The following DNM3 variants were observed in gnomAD, a reference collection of about 807,000 sequenced individuals.
The protein encoded by DNM3 is dynamin-3.
A neutral mutation model predicts 101.6 loss-of-function variants in DNM3; 47 were observed. The observed-to-expected ratio is 0.46, with a 90% CI of 0.37 to 0.59. The LOEUF (loss-of-function observed/expected upper bound fraction) is 0.59, where lower values mean the gene tolerates loss of function less well. DNM3 is among the 20% of genes least tolerant of loss of function. The pLI is 0.00. For synonymous variants in DNM3, 385 were observed against 387.9 expected, an observed-to-expected ratio of 0.99 and a Z score of 0.09; for missense variants, 849 against 1,085.7, an observed-to-expected ratio of 0.78 and a Z score of 3.06.
chr1:171,963,049 C>T (rs1175083039), intron 2 of DNM3, among the ~76,000 whole-genome samples: 2 of 151,968 alleles, frequency 1.3e-5, no homozygotes, highest in Admixed American at 6.6e-5. Flanking sequence ...TACTCAAGTG[C>T]GATGAAAATT....
At chr1:172,186,159 G>A (rs1305992926) in intron 14 of DNM3, among the ~76,000 whole-genome samples, 1 of 152,078 alleles carries the variant, frequency 6.6e-6, no homozygotes, top group Non-Finnish European at 1.5e-5. Flanking sequence ...CATCTTTTGG[G>A]TGCTTAGGGA....
At chr1:172,274,881 G>C (rs1002026347) in intron 15 of DNM3, among the ~76,000 whole-genome samples, 2 of 151,998 alleles carry the variant, frequency 1.3e-5, no homozygotes, top group African/African-American at 4.8e-5. Flanking sequence ...CTAGTCCACT[G>C]ATCAGGGCTT....
chr1:172,357,218 A>G (rs1392963130), intron 17 of DNM3, among the ~76,000 whole-genome samples: 1 of 152,108 alleles, frequency 6.6e-6, no homozygotes, highest in Non-Finnish European at 1.5e-5. Context: ...TGTTAAAATG[A>G]GTAGGTAAAA....
intron 13 of DNM3, among the ~76,000 whole-genome samples, chr1:172,110,144 CT>C (rs1269073183): frequency 6.6e-6 from 1 of 152,198 alleles, no homozygotes; most frequent in Non-Finnish European, 1.5e-5. Context: ...TCTCTTGCCC[CT>C]GACACTCCTG....
chr1:172,284,294 A>G (rs2063611595), intron 15 of DNM3, among the ~76,000 whole-genome samples: 3 of 152,208 alleles, frequency 2.0e-5, no homozygotes, highest in African/African-American at 7.2e-5. Flanking sequence ...TGTTAAAATG[A>G]TGAAACTTAC....
chr1:172,134,326 G>GTT (rs1432970322), intron 14 of DNM3, among the ~76,000 whole-genome samples: 6 of 152,102 alleles, frequency 3.9e-5, no homozygotes, highest in African/African-American at 1.4e-4. Context: ...ATTTAAGCAG[G>GTT]TATAATGACT....
At chr1:172,373,054 A>G (rs887573513) in intron 17 of DNM3, among the ~76,000 whole-genome samples, 5 of 152,050 alleles carry the variant, frequency 3.3e-5, no homozygotes, top group Non-Finnish European at 7.4e-5. Context: ...TTCAGAAAGC[A>G]TTATGTCTAT....
intron 16 of DNM3, among the ~76,000 whole-genome samples, chr1:172,315,449 G>A (rs975962165): frequency 6.6e-6 from 1 of 152,206 alleles, no homozygotes; most frequent in Non-Finnish European, 1.5e-5. Context: ...CGAGCTACAG[G>A]AGGAAATTCA....
intron 11 of DNM3, among the ~76,000 whole-genome samples, chr1:172,079,851 G>A (rs11799705): frequency 0.05 from 7,666 of 152,164 alleles, 276 homozygotes; most frequent in East Asian, 0.12. Flanking sequence ...CTTTCTGTTT[G>A]TTAGTTTTCC....
chr1:171,989,398 G>A (rs924444826), intron 4 of DNM3, among the ~76,000 whole-genome samples: 1 of 151,784 alleles, frequency 6.6e-6, no homozygotes, highest in Non-Finnish European at 1.5e-5. Context: ...TAAGAATAAT[G>A]AGATCTAAGA....
chr1:171,981,275 C>T (rs990479869), intron 2 of DNM3, among the ~76,000 whole-genome samples: 2 of 152,164 alleles, frequency 1.3e-5, no homozygotes, highest in African/African-American at 4.8e-5. Flanking sequence ...GCTCACAAAA[C>T]ATTGCTATTA....
At chr1:172,338,724 A>G (rs954020070) in intron 17 of DNM3, 2 of 425,316 alleles carry the variant, frequency 4.7e-6, no homozygotes, top group Admixed American at 2.6e-5. Flanking sequence ...TCTTTTCTGT[A>G]TATTTGTTTG....
Position 172,410,293 on chromosome 1 carries a change from C to A in DNM3, c.*2452C>A. The A allele has an allele frequency of 1.0e-6, 1 of 985,310 alleles. No individual in the cohort carries two copies. Among genetic ancestry groups the A allele is most frequent in the South Asian group, 4.7e-5 (1 of 21,290 alleles). 61.0% of individuals were successfully genotyped at this position (985,310 alleles called of 1,614,324 possible). On this transcript the variant is annotated 3_prime_UTR_variant, in exon 21 of 21. Transcript: ENST00000627582. The stretch of plus-strand genomic sequence containing the variant: ...TGTGCATAGTTTGACGTGCAGCATG[C>A]ACACCAGGCCTTAAGATGGGAATGT...
At chr1:172,084,908 G>A (rs575901487) in intron 12 of DNM3, among the ~76,000 whole-genome samples, 2 of 152,184 alleles carry the variant, frequency 1.3e-5, no homozygotes, top group Admixed American at 6.5e-5. Context: ...TTTAAAAAAT[G>A]AAAATGAATT....
At position 172,240,715 on chromosome 1, in the gene DNM3, A is replaced by G. The variant is rs750362741; in HGVS notation, c.1660-12858A>G. 7.2e-5 allele frequency among the ~76,000 whole-genome samples: 11 copies of G among 152,314 alleles called. No homozygotes were observed. The South Asian group carries it at 1.5e-3, about 20-fold the overall frequency. On this transcript the variant is annotated intron_variant, in intron 14 of 20. Transcript: ENST00000627582. ...ACTTTGTAATTTAATGTGAAGCCAC[A>G]TAAGTCAGAGTTGAAAGACATTTGT... is the stretch of plus-strand genomic sequence containing the variant.
chr1:172,363,802 T>C (rs1378161144), intron 17 of DNM3, among the ~76,000 whole-genome samples: 3 of 151,864 alleles, frequency 2.0e-5, no homozygotes, highest in Admixed American at 2.0e-4. Context: ...TCTCAATATA[T>C]TTGTTACCAT....
At chr1:172,308,704 G>A (rs768956577) in intron 15 of DNM3, 24 bp from the exon 16 acceptor site, 26 of 1,238,120 alleles carry the variant, frequency 2.1e-5, no homozygotes, top group Non-Finnish European at 2.3e-5. Flanking sequence ...CTAAAAGCAT[G>A]ATTTTTTTTT....
intron 1 of DNM3, among the ~76,000 whole-genome samples, chr1:171,882,423 C>T (rs895494998): frequency 1.9e-5 from 2 of 106,258 alleles, no homozygotes; most frequent in Admixed American, 9.5e-5. Context: ...GTCTCTGTCT[C>T]TCTCTATACA....
chr1:172,265,526 T>C (rs1384503054), intron 15 of DNM3, among the ~76,000 whole-genome samples: 2 of 152,178 alleles, frequency 1.3e-5, no homozygotes, highest in African/African-American at 4.8e-5. Context: ...ACTAACATTG[T>C]GATACTCTGT....
Sources: gnomAD v4.1 joint callset for allele counts (sites outside exome capture counted in the v4.1 genomes callset) on GRCh38, gnomAD v4.1.1 for gene constraint, MANE v1.5 for transcripts, NCBI Gene and HGNC (gene_info 2026-07-23, HGNC 2026-07-21) for gene names.